NLGN4X: variants seen among roughly 807,000 people sequenced by gnomAD.
NLGN4X encodes the protein neuroligin 4 X-linked.
In NLGN4X, 3 loss-of-function variants were observed where a neutral mutation model predicts 40.3. That is an observed-to-expected ratio of 0.07 (90% CI 0.03 to 0.19). The LOEUF (loss-of-function observed/expected upper bound fraction) is 0.19, where lower values mean the gene tolerates loss of function less well. NLGN4X is among the 10% of genes least tolerant of loss of function. The probability of loss-of-function intolerance (pLI) is 1.00; values close to 1 mark genes in which losing one functional copy is unlikely to be tolerated. For synonymous variants in NLGN4X, 270 were observed against 306.8 expected, an observed-to-expected ratio of 0.88 and a Z score of 1.25; for missense variants, 382 against 708.3, an observed-to-expected ratio of 0.54 and a Z score of 5.23.
intron 2 of NLGN4X, among the ~76,000 whole-genome samples, chrX:6,108,628 G>T (rs568650097): frequency 9.0e-6 from 1 of 111,448 alleles, no homozygotes; most frequent in Non-Finnish European, 1.9e-5. Context: ...AGGCTGCAGT[G>T]AGCCAAAATC....
intron 2 of NLGN4X, among the ~76,000 whole-genome samples, chrX:6,076,571 CTAAG>C: frequency 8.9e-6 from 1 of 112,184 alleles, no homozygotes; most frequent in Middle Eastern, 4.6e-3. Flanking sequence ...TCCTTAGCAG[CTAAG>C]TAAGAGCAAC....
chrX:6,220,009 C>CT (rs1316308968), intron 1 of NLGN4X, among the ~76,000 whole-genome samples: 459 of 99,291 alleles, frequency 4.6e-3, no homozygotes, highest in South Asian at 7.9e-3. Context: ...CACCTGTGAG[C>CT]TTTTTTTTTT....
chrX:5,941,366 G>C (rs2033941400), intron 3 of NLGN4X, among the ~76,000 whole-genome samples: 1 of 110,801 alleles, frequency 9.0e-6, no homozygotes, highest in Non-Finnish European at 1.9e-5. Context: ...AATTTCCATG[G>C]ATCAGATTGC....
At chrX:6,041,677 T>C (rs1481318154) in intron 2 of NLGN4X, among the ~76,000 whole-genome samples, 1 of 112,754 alleles carries the variant, frequency 8.9e-6, no homozygotes, top group African/African-American at 3.2e-5. Flanking sequence ...CCCTGTTAGA[T>C]TGTTAGCAAC....
intron 2 of NLGN4X, among the ~76,000 whole-genome samples, chrX:6,125,955 T>C (rs2039533443): frequency 9.5e-6 from 1 of 104,924 alleles, no homozygotes; most frequent in Admixed American, 1.0e-4. Flanking sequence ...ATATACAATA[T>C]ATTCCACTAT....
intron 2 of NLGN4X, among the ~76,000 whole-genome samples, chrX:6,072,599 T>TA (rs1008893589): frequency 9.0e-6 from 1 of 111,619 alleles, no homozygotes; most frequent in African/African-American, 3.3e-5. Flanking sequence ...GCCACTATTT[T>TA]AAAAAATATG....
rs928199912 is a variant in NLGN4X, at chrX:5,965,746, C to G, written c.626-56507G>C. ...AAGCTGGAACTAGCTAAGCCACTGA[C>G]ACAAGGTGACACTTTTATTAAATGA... On this transcript the variant is annotated intron_variant, in intron 3 of 5. Coordinates refer to ENST00000381095, the MANE Select transcript of NLGN4X (RefSeq NM_181332.3). Among the ~76,000 whole-genome samples the G allele has an allele frequency of 6.3e-5, 7 of 111,908 alleles. No individual in the cohort carries two copies. In the Admixed American group the frequency reaches 6.7e-4, roughly 11 times the overall value.
intron 2 of NLGN4X, among the ~76,000 whole-genome samples, chrX:6,078,027 C>T (rs2038250417): frequency 9.0e-6 from 1 of 111,676 alleles, no homozygotes; most frequent in Non-Finnish European, 1.9e-5. Context: ...TTGCGAGACC[C>T]TTTCACATAA....
chrX:6,042,726 T>TACAC (rs1330799612), intron 2 of NLGN4X, among the ~76,000 whole-genome samples: 36 of 28,310 alleles, frequency 1.3e-3, no homozygotes, highest in African/African-American at 3.1e-3. Flanking sequence ...TATATATATA[T>TACAC]ATATACACAC....
At chrX:6,196,693 G>C (rs911252006) in intron 1 of NLGN4X, among the ~76,000 whole-genome samples, 1 of 110,242 alleles carries the variant, frequency 9.1e-6, no homozygotes, top group African/African-American at 3.3e-5. Context: ...TTGAGGTCAG[G>C]AATGTTTCCA....
chrX:6,039,969 G>C (rs1254736469), intron 2 of NLGN4X, among the ~76,000 whole-genome samples: 1 of 111,882 alleles, frequency 8.9e-6, no homozygotes, highest in Non-Finnish European at 1.9e-5. Context: ...ACAAAGTCTT[G>C]CTCTGTCACA....
At chrX:6,134,211 C>G (rs145584086) in intron 2 of NLGN4X, among the ~76,000 whole-genome samples, 251 of 111,966 alleles carry the variant, frequency 2.2e-3, no homozygotes, top group African/African-American at 7.5e-3. Context: ...CATACAGTGA[C>G]TACACTTCAT....
intron 3 of NLGN4X, among the ~76,000 whole-genome samples, chrX:5,979,807 T>C (rs1183543994): frequency 1.0e-5 from 1 of 99,699 alleles, no homozygotes; most frequent in African/African-American, 4.1e-5. Flanking sequence ...CACATACATA[T>C]ATATGTGTAT....
intron 1 of NLGN4X, among the ~76,000 whole-genome samples, chrX:6,200,687 C>CTTTTTTTTTTTTTTTTTTTTTTTT (rs767226691): frequency 1.8e-5 from 1 of 55,575 alleles, no homozygotes; most frequent in Non-Finnish European, 3.1e-5. Context: ...CTTTCCTTTT[C>CTTTTTTTTTTTTTTTTTTTTTTTT]TTTTTTTTTT....
chrX:6,171,962 G>A (rs1252886895), intron 1 of NLGN4X, among the ~76,000 whole-genome samples: 5 of 110,783 alleles, frequency 4.5e-5, no homozygotes, highest in Non-Finnish European at 9.4e-5. Flanking sequence ...GCTGTAGCAC[G>A]TCCTCTCTCT....
chrX:6,179,038 G>A (rs1921112908), intron 1 of NLGN4X, among the ~76,000 whole-genome samples: 1 of 106,223 alleles, frequency 9.4e-6, no homozygotes, highest in African/African-American at 3.6e-5. Flanking sequence ...ACTCAAAGCT[G>A]CAGTGAGCTA....
At chrX:6,081,014 C>T (rs758975237) in intron 2 of NLGN4X, among the ~76,000 whole-genome samples, 1 of 108,975 alleles carries the variant, frequency 9.2e-6, no homozygotes, top group Admixed American at 9.8e-5. Context: ...AGAGGCTGAG[C>T]GCAGTGATTC....
intron 3 of NLGN4X, among the ~76,000 whole-genome samples, chrX:5,938,808 AT>A (rs932482895): frequency 8.9e-6 from 1 of 111,776 alleles, no homozygotes; most frequent in African/African-American, 3.3e-5. Context: ...ATCTATGCAT[AT>A]TTTTAGGAGA....
intron 3 of NLGN4X, among the ~76,000 whole-genome samples, chrX:5,972,153 A>ATG (rs200248684): frequency 4.6e-5 from 5 of 109,527 alleles, no homozygotes; most frequent in Non-Finnish European, 7.6e-5. Context: ...ACATATGTAT[A>ATG]TGTGTGTGTG....
Sources: allele counts gnomAD v4.1 joint callset (sites outside exome capture counted in the v4.1 genomes callset), GRCh38; gene constraint gnomAD v4.1.1; transcripts MANE v1.5; gene names NCBI Gene and HGNC (gene_info 2026-07-23, HGNC 2026-07-21).